BBS5: variants seen among roughly 807,000 people sequenced by gnomAD.
The protein encoded by BBS5 is Bardet-Biedl syndrome 5, also known as BBSome complex member BBS5.
In BBS5, 39 loss-of-function variants were observed where a neutral mutation model predicts 50.2. That is an observed-to-expected ratio of 0.78 (90% CI 0.60 to 1.01). The LOEUF (loss-of-function observed/expected upper bound fraction) is 1.01, where lower values mean the gene tolerates loss of function less well. BBS5 is among the 50% of genes least tolerant of loss of function. BBS5 has a pLI of 0.00. For missense variants in BBS5, 356 were observed against 401.5 expected, an observed-to-expected ratio of 0.89 and a Z score of 0.97; for synonymous variants, 134 against 133.1, an observed-to-expected ratio of 1.01 and a Z score of -0.05.
In BBS5 at chr2:169,492,924, T is replaced by C; in HGVS notation, c.437T>C (p.Leu146Pro). The change falls in exon 6 of 12, where the codon CTA becomes CCA. Residue 146 changes from leucine (L) to proline (P), a missense_variant. By Grantham distance (98) the Leu-to-Pro change is moderately conservative. Transcript: ENST00000295240. ...CGTGATTTTAAATTAAGAAGTGCAC[T>C]AATTCAGAACAAGCAACTAAGACTG... Reference protein sequence around the residue: ...MYRDFKLRSALIQNKQLRLLP... With the variant: ...MYRDFKLRSAPIQNKQLRLLP... The C allele has an allele frequency of 6.2e-7, 1 of 1,612,756 alleles. No homozygotes were observed. Among genetic ancestry groups the C allele is most frequent in the South Asian group, 1.1e-5 (1 of 91,050 alleles).
intron 5 of BBS5, among the ~76,000 whole-genome samples, chr2:169,492,241 C>T (rs1375094580): frequency 6.6e-6 from 1 of 151,778 alleles, no homozygotes; most frequent in East Asian, 1.9e-4. Flanking sequence ...CCTGTAATCC[C>T]AGCACTTTGG....
chr2:169,494,468 G>T (rs570895887), intron 7 of BBS5, among the ~76,000 whole-genome samples: 30 of 152,030 alleles, frequency 2.0e-4, no homozygotes, highest in African/African-American at 6.3e-4. Flanking sequence ...TGTAATCTCA[G>T]TACTTTGAGA....
chr2:169,505,615 AT>A lies in BBS5; in HGVS notation c.*1036del. 1 of 247,904 alleles carries A rather than the reference AT, an allele frequency of 4.0e-6. No individual in the cohort carries two copies. The highest frequency in any genetic ancestry group is 8.0e-6 in the Non-Finnish European group (1 of 125,242). 15.4% of individuals were successfully genotyped at this position (247,904 alleles called of 1,614,324 possible). A position where few individuals can be genotyped will look rare whatever the true frequency, so the allele number is the denominator to read the frequency against. ...AGCACCTCTGCCCGGCCGCGACCCC[AT>A]TTGGGAGGTGAGGAGCAACTCTGCC... On this transcript the variant is annotated 3_prime_UTR_variant, in exon 12 of 12. Coordinates refer to ENST00000295240, the MANE Select transcript of BBS5 (RefSeq NM_152384.3).
At chr2:169,502,986 AT>A in intron 9 of BBS5, 108 bp from the exon 10 acceptor site, 1 of 833,176 alleles carries the variant, frequency 1.2e-6, no homozygotes, top group Non-Finnish European at 2.0e-6. Flanking sequence ...TTATACCGTG[AT>A]TTTTATAAGA....
chr2:169,483,047 G>A (rs1683428210), intron 2 of BBS5, among the ~76,000 whole-genome samples: 1 of 152,222 alleles, frequency 6.6e-6, no homozygotes, highest in Non-Finnish European at 1.5e-5. Flanking sequence ...AGTGGGAGAA[G>A]AAGTTTAGGA....
intron 5 of BBS5, among the ~76,000 whole-genome samples, 197 bp downstream of exon 5, chr2:169,488,311 T>TAC (rs1348563972): frequency 1.3e-5 from 2 of 152,230 alleles, no homozygotes; most frequent in Non-Finnish European, 2.9e-5. Flanking sequence ...TACTATTATA[T>TAC]ACTCACCATA....
At chr2:169,484,360 G>A (rs2105292784) in intron 2 of BBS5, among the ~76,000 whole-genome samples, 1 of 152,298 alleles carries the variant, frequency 6.6e-6, no homozygotes, top group South Asian at 2.1e-4. Flanking sequence ...TCCAGCCTGG[G>A]TGACAGTGCA....
At chr2:169,500,378 T>C (rs1480904358) in intron 9 of BBS5, among the ~76,000 whole-genome samples, 1 of 152,190 alleles carries the variant, frequency 6.6e-6, no homozygotes, top group African/African-American at 2.4e-5. Context: ...GTCTGCTCTA[T>C]CACTGGGACA....
chr2:169,479,821 G>C (rs910121140), intron 1 of BBS5, among the ~76,000 whole-genome samples: 3 of 152,212 alleles, frequency 2.0e-5, no homozygotes, highest in African/African-American at 7.2e-5. Context: ...AGAGCGCATC[G>C]GCATTACACA....
At chr2:169,483,917 TTA>T (rs1329415359) in intron 2 of BBS5, among the ~76,000 whole-genome samples, 1 of 152,170 alleles carries the variant, frequency 6.6e-6, no homozygotes, top group Non-Finnish European at 1.5e-5. Flanking sequence ...GAACTCAGAA[TTA>T]ACTTGAGAAA....
intron 5 of BBS5, among the ~76,000 whole-genome samples, chr2:169,490,634 A>AT (rs1005730369): frequency 6.6e-6 from 1 of 152,104 alleles, no homozygotes; most frequent in Non-Finnish European, 1.5e-5. Flanking sequence ...TAATGGCTTA[A>AT]TTTTTTAATT....
chr2:169,499,407 T>G, intron 8 of BBS5, 79 bp from the exon 9 acceptor site: 1 of 1,403,192 alleles, frequency 7.1e-7, no homozygotes, highest in Non-Finnish European at 9.8e-7. Context: ...AAGGACAAAT[T>G]GAGCTATAAT....
At chr2:169,481,347 G>T (rs1413150356) in intron 1 of BBS5, among the ~76,000 whole-genome samples, 1 of 152,180 alleles carries the variant, frequency 6.6e-6, no homozygotes, top group Non-Finnish European at 1.5e-5. Context: ...TTCCAGAAAA[G>T]AAGAAAAGAA....
chr2:169,490,298 A>T (rs970778482), intron 5 of BBS5, among the ~76,000 whole-genome samples: 1 of 139,066 alleles, frequency 7.2e-6, no homozygotes. Flanking sequence ...GGTTCACGCC[A>T]TTCTCCTGCC....
At position 169,493,864 on chromosome 2, in the gene BBS5, T is replaced by G. The variant is rs372929411; in HGVS notation, c.618+28T>G. 1.4e-4 allele frequency: 203 copies of G among 1,417,504 alleles called. No individual in the cohort carries two copies. The African/African-American group carries it at 2.7e-3, about 19-fold the overall frequency. 87.8% of individuals were successfully genotyped at this position (1,417,504 alleles called of 1,614,324 possible). A position where few individuals can be genotyped will look rare whatever the true frequency, so the allele number is the denominator to read the frequency against. ...AAGTACATACATTTTGATGACCTTA[T>G]TTTAATGTAAAATAAATATTTTTTG... On this transcript the variant is annotated intron_variant, in intron 7 of 11. Coordinates refer to ENST00000295240, the MANE Select transcript of BBS5 (RefSeq NM_152384.3).
chr2:169,489,645 A>G (rs1484429579), intron 5 of BBS5, among the ~76,000 whole-genome samples: 1 of 150,012 alleles, frequency 6.7e-6, no homozygotes, highest in Non-Finnish European at 1.5e-5. Context: ...TGTTTACTAA[A>G]TTCTTCTCTT....
At chr2:169,500,483 G>A (rs577693711) in intron 9 of BBS5, among the ~76,000 whole-genome samples, 102 of 152,278 alleles carry the variant, frequency 6.7e-4, no homozygotes, top group African/African-American at 2.2e-3. Flanking sequence ...CTGATCACTC[G>A]ATTGTAGACT....
At chr2:169,503,219 T>C in intron 10 of BBS5, 41 bp downstream of exon 10, 1 of 1,472,260 alleles carries the variant, frequency 6.8e-7, no homozygotes, top group Non-Finnish European at 9.5e-7. Flanking sequence ...CTTAAGGATT[T>C]TATCTCAGTC....
At chr2:169,491,937 C>T (rs1378422785) in intron 5 of BBS5, among the ~76,000 whole-genome samples, 1 of 152,084 alleles carries the variant, frequency 6.6e-6, no homozygotes, top group Non-Finnish European at 1.5e-5. Flanking sequence ...GATGAGACTA[C>T]AAGTGCACAC....
Sources: allele counts gnomAD v4.1 joint callset (sites outside exome capture counted in the v4.1 genomes callset), GRCh38; gene constraint gnomAD v4.1.1; transcripts MANE v1.5; gene names NCBI Gene and HGNC (gene_info 2026-07-23, HGNC 2026-07-21).